Variants in DNM2 observed in about 807,000 individuals in gnomAD.
DNM2 encodes the protein dynamin-2.
DNM2 carries 15 observed loss-of-function variants against 99.0 expected under a neutral mutation model. That is an observed-to-expected ratio of 0.15 (90% CI 0.10 to 0.23). The LOEUF (loss-of-function observed/expected upper bound fraction) is 0.23. DNM2 is among the 10% of genes least tolerant of loss of function. The pLI is 1.00. For missense variants in DNM2, 742 were observed against 1,189.4 expected, an observed-to-expected ratio of 0.62 and a Z score of 5.53; for synonymous variants, 525 against 481.2, an observed-to-expected ratio of 1.09 and a Z score of -1.19.
chr19:10,749,657 C>A (rs922532652), intron 1 of DNM2, among the ~76,000 whole-genome samples: 12 of 152,236 alleles, frequency 7.9e-5, no homozygotes, highest in African/African-American at 2.4e-4. Context: ...GGCTGCCTGG[C>A]TCCACAGTCT....
At chr19:10,819,909 A>C in intron 15 of DNM2, 71 bp from the exon 16 acceptor site, 1 of 1,437,390 alleles carries the variant, frequency 7.0e-7, no homozygotes. Flanking sequence ...CGCATGCTAC[A>C]CGCTCTGGCC....
At chr19:10,746,762 T>TCTG (rs2070001378) in intron 1 of DNM2, among the ~76,000 whole-genome samples, 1 of 122,646 alleles carries the variant, frequency 8.2e-6, no homozygotes, top group Non-Finnish European at 1.6e-5. Flanking sequence ...ACAGTCTCAC[T>TCTG]CTGTTGCCCA....
chr19:10,770,212 A>T (rs990709065), intron 2 of DNM2, among the ~76,000 whole-genome samples: 1 of 152,104 alleles, frequency 6.6e-6, no homozygotes, highest in East Asian at 1.9e-4. Context: ...CTGGGTGTTC[A>T]TCTCCCTTTT....
At chr19:10,758,152 T>G (rs2145845442) in intron 1 of DNM2, among the ~76,000 whole-genome samples, 1 of 152,220 alleles carries the variant, frequency 6.6e-6, no homozygotes, top group African/African-American at 2.4e-5. Context: ...TCCTGGTGTA[T>G]TCACTGTAAG....
intron 1 of DNM2, among the ~76,000 whole-genome samples, chr19:10,735,658 C>T (rs569259981): frequency 4.6e-5 from 7 of 151,640 alleles, no homozygotes; most frequent in African/African-American, 7.3e-5. Flanking sequence ...AGACTACAGG[C>T]GCCCACCACC....
At chr19:10,724,205 TCTCA>T (rs2069035889) in intron 1 of DNM2, among the ~76,000 whole-genome samples, 1 of 151,726 alleles carries the variant, frequency 6.6e-6, no homozygotes, top group Non-Finnish European at 1.5e-5. Flanking sequence ...TGAGACGGAG[TCTCA>T]CTCTGTCTTC....
At chr19:10,741,888 CCCTTCCTCTTTA>C (rs138711690) in intron 1 of DNM2, among the ~76,000 whole-genome samples, 15,403 of 151,086 alleles carry the variant, frequency 0.1, 1,189 homozygotes, top group East Asian at 0.36. Flanking sequence ...CTTCCTCCCT[CCCTTCCTCTTTA>C]CCTTCCTCTT....
chr19:10,738,888 G>C (rs1194253187), intron 1 of DNM2, among the ~76,000 whole-genome samples: 1 of 145,232 alleles, frequency 6.9e-6, no homozygotes, highest in African/African-American at 2.5e-5. Context: ...AAAAAAAAAG[G>C]CTGGGCTCAG....
Position 10,718,346 on chromosome 19 carries a change from C to T in DNM2, c.104C>T (p.Ala35Val). ...QSCHLDLPQIAVVGGQSAGKS... is the reference protein window; with the variant it reads ...QSCHLDLPQIVVVGGQSAGKS... Reference sequence around the variant, plus strand: ...TGCCACCTGGACCTGCCGCAGATCGCTGTAGTGGGCGGCCAGAGCGCCGGC... The same window carrying T: ...TGCCACCTGGACCTGCCGCAGATCGTTGTAGTGGGCGGCCAGAGCGCCGGC... The change falls in exon 1 of 21, where the codon GCT becomes GTT. Residue 35 changes from alanine to valine, a missense_variant. Ala to Val is a moderately conservative substitution (Grantham distance 64). This residue lies in a region of DNM2 where 52 missense variants were observed against 46.1 expected (regional missense o/e 1.13). Coordinates refer to ENST00000389253, the MANE Select transcript of DNM2 (RefSeq NM_001005361.3). 6.6e-7 allele frequency: 1 copy of T among 1,523,680 alleles called. No individual in the cohort carries two copies. The highest frequency in any genetic ancestry group is 8.8e-7 in the Non-Finnish European group (1 of 1,138,022). The allele number at this position is 1,523,680 out of a possible 1,614,324, so 94.4% of individuals were successfully genotyped here. A position where few individuals can be genotyped will look rare whatever the true frequency, so the allele number is the denominator to read the frequency against.
chr19:10,729,632 A>G (rs1483795107), intron 1 of DNM2, among the ~76,000 whole-genome samples: 2 of 152,146 alleles, frequency 1.3e-5, no homozygotes, highest in African/African-American at 2.4e-5. Context: ...TGCCCGTGGA[A>G]TGCCGACTTT....
At chr19:10,789,071 C>T (rs1411309366) in intron 7 of DNM2, among the ~76,000 whole-genome samples, 1 of 152,100 alleles carries the variant, frequency 6.6e-6, no homozygotes, top group Admixed American at 6.6e-5. Flanking sequence ...GGTGGTGCAC[C>T]CCTGTAATTC....
chr19:10,723,654 TAGA>T (rs1312083046), intron 1 of DNM2, among the ~76,000 whole-genome samples: 2 of 152,234 alleles, frequency 1.3e-5, no homozygotes, highest in African/African-American at 4.8e-5. Flanking sequence ...GTGCTTGGCA[TAGA>T]AGAAGTGCTT....
At chr19:10,804,418 G>T (rs2072264874) in intron 12 of DNM2, among the ~76,000 whole-genome samples, 2 of 152,194 alleles carry the variant, frequency 1.3e-5, no homozygotes, top group South Asian at 4.1e-4. Flanking sequence ...GCCTGGCGCA[G>T]TGGCTCATGC....
chr19:10,783,708 T>A (rs1224410532), intron 6 of DNM2, among the ~76,000 whole-genome samples: 1 of 149,354 alleles, frequency 6.7e-6, no homozygotes, highest in African/African-American at 2.4e-5. Flanking sequence ...TATTATTATT[T>A]TTTATTTTTG....
At position 10,808,497 on chromosome 19, in the gene DNM2, G is replaced by T. The variant is rs371017973; in HGVS notation, c.1546-72G>T. On this transcript the variant is annotated intron_variant, in intron 13 of 20. Transcript: ENST00000389253. Reference sequence around the variant, plus strand: ...CCTGCTTTTTCTTTGTCCCCTTCACGTCCCTTCCATCTCTTTTCCTTTGCC... The same window carrying T: ...CCTGCTTTTTCTTTGTCCCCTTCACTTCCCTTCCATCTCTTTTCCTTTGCC... 483 of 1,552,102 alleles carry T rather than the reference G, an allele frequency of 3.1e-4. 4 individuals carry two copies. Among genetic ancestry groups the T allele is most frequent in the Middle Eastern group, 1.7e-4 (1 of 5,908 alleles).
At chr19:10,824,876 G>C (rs114589854) in intron 17 of DNM2, 181 bp from the exon 18 acceptor site, 3 of 875,142 alleles carry the variant, frequency 3.4e-6, no homozygotes, top group Non-Finnish European at 5.4e-6. Flanking sequence ...CATCAGCCAG[G>C]GTCACCCCAT....
intron 1 of DNM2, among the ~76,000 whole-genome samples, chr19:10,752,368 T>C (rs570506681): frequency 2.0e-5 from 3 of 152,346 alleles, no homozygotes; most frequent in Non-Finnish European, 2.9e-5. Context: ...CAGCTCTGTG[T>C]TCTCTTGGGC....
At chr19:10,731,708 C>A (rs1031236406) in intron 1 of DNM2, among the ~76,000 whole-genome samples, 1 of 152,050 alleles carries the variant, frequency 6.6e-6, no homozygotes, top group Admixed American at 6.6e-5. Context: ...AGAGAGGCCA[C>A]GAGCCACTGG....
Position 10,797,434 on chromosome 19 carries a change from T to G in DNM2, c.1251T>G (p.Ile417Met), listed in dbSNP as rs1177156641. ...TTGAAGCCATTGTGAAAAAACAGAT[T>G]GTAAAACTCAAAGAGCCGAGTTTGA... ...MAFEAIVKKQ[I>M]VKLKEPSLKC... The change falls in exon 10 of 21, where the codon ATT becomes ATG. Residue 417 changes from isoleucine (I) to methionine (M), a missense_variant. By Grantham distance (10) the Ile-to-Met change is conservative (BLOSUM62 1). Coordinates refer to ENST00000389253, the MANE Select transcript of DNM2 (RefSeq NM_001005361.3). 3 of 1,613,766 alleles carry G rather than the reference T, an allele frequency of 1.9e-6. No individual in the cohort carries two copies. Among genetic ancestry groups the G allele is most frequent in the Non-Finnish European group, 2.5e-6 (3 of 1,180,012 alleles).
Sources: allele counts gnomAD v4.1 joint callset (sites outside exome capture counted in the v4.1 genomes callset), GRCh38; gene constraint gnomAD v4.1.1; regional missense constraint gnomAD v4.1.1; transcripts MANE v1.5; gene names NCBI Gene and HGNC (gene_info 2026-07-23, HGNC 2026-07-21).